Variants in NDUFS4 observed in about 807,000 individuals in gnomAD.
NDUFS4 encodes NADH dehydrogenase [ubiquinone] iron-sulfur protein 4, mitochondrial.
Under a neutral mutation model 24.3 loss-of-function variants are expected in NDUFS4, and 28 were observed. That is an observed-to-expected ratio of 1.15 (90% CI 0.85 to 1.58). The LOEUF (loss-of-function observed/expected upper bound fraction) is 1.58, where lower values mean the gene tolerates loss of function less well. Among genes scored for constraint, NDUFS4 ranks in the 40% most tolerant of loss-of-function variants. The probability of loss-of-function intolerance (pLI) is 0.00; values close to 1 mark genes in which losing one functional copy is unlikely to be tolerated. For synonymous variants in NDUFS4, 93 were observed against 69.7 expected, an observed-to-expected ratio of 1.34 and a Z score of -1.67; for missense variants, 223 against 207.9, an observed-to-expected ratio of 1.07 and a Z score of -0.45.
intron 2 of NDUFS4, among the ~76,000 whole-genome samples, chr5:53,627,052 C>G: frequency 6.6e-6 from 1 of 152,002 alleles, no homozygotes; most frequent in Non-Finnish European, 1.5e-5. Context: ...CTTGAGTTAA[C>G]TTTTGTATAA....
chr5:53,682,263 A>G (rs1740691590), intron 4 of NDUFS4, among the ~76,000 whole-genome samples: 1 of 152,168 alleles, frequency 6.6e-6, no homozygotes, highest in Non-Finnish European at 1.5e-5. Context: ...AGTGCAGAAA[A>G]TGTAGACATA....
intron 3 of NDUFS4, among the ~76,000 whole-genome samples, chr5:53,656,036 A>G (rs1410912788): frequency 6.6e-6 from 1 of 152,042 alleles, no homozygotes; most frequent in Non-Finnish European, 1.5e-5. Flanking sequence ...CTGCTCTGGC[A>G]ATCCTGGACT....
chr5:53,580,300 C>CT (rs1749518176), intron 1 of NDUFS4, among the ~76,000 whole-genome samples: 1 of 152,166 alleles, frequency 6.6e-6, no homozygotes, highest in African/African-American at 2.4e-5. Context: ...AGTTAATACT[C>CT]TTATTTTTCT....
chr5:53,619,305 TTAAAAA>T (rs1750954260), intron 2 of NDUFS4, among the ~76,000 whole-genome samples: 1 of 130,590 alleles, frequency 7.7e-6, no homozygotes, highest in Non-Finnish European at 1.7e-5. Flanking sequence ...TGCTAAAAAT[TTAAAAA>T]AAAAAAAAAA....
At chr5:53,665,227 A>T (rs938429019) in intron 4 of NDUFS4, among the ~76,000 whole-genome samples, 1 of 152,180 alleles carries the variant, frequency 6.6e-6, no homozygotes, top group African/African-American at 2.4e-5. Context: ...GTGAGGTGTC[A>T]GTCTGACCCT....
intron 1 of NDUFS4, among the ~76,000 whole-genome samples, chr5:53,579,382 A>G (rs1398888342): frequency 6.6e-6 from 1 of 152,168 alleles, no homozygotes. Flanking sequence ...ACACTAGACA[A>G]TTACCAGTAC....
At chr5:53,586,990 A>AT (rs577872819) in intron 1 of NDUFS4, among the ~76,000 whole-genome samples, 2 of 150,692 alleles carry the variant, frequency 1.3e-5, no homozygotes, top group African/African-American at 2.4e-5. Context: ...TGCCTGGCTA[A>AT]TTTTTTTTGT....
At chr5:53,658,205 A>G (rs1752219394) in intron 3 of NDUFS4, among the ~76,000 whole-genome samples, 1 of 152,210 alleles carries the variant, frequency 6.6e-6, no homozygotes, top group South Asian at 2.1e-4. Flanking sequence ...TAGCAATTTT[A>G]CACATCAGTA....
At chr5:53,567,076 C>T (rs538998732) in intron 1 of NDUFS4, among the ~76,000 whole-genome samples, 211 of 152,204 alleles carry the variant, frequency 1.4e-3, no homozygotes, top group Admixed American at 1.4e-3. Flanking sequence ...GTCTCAAACT[C>T]CTGACCTCGT....
At chr5:53,650,474 A>G (rs969857953) in intron 3 of NDUFS4, among the ~76,000 whole-genome samples, 2 of 152,228 alleles carry the variant, frequency 1.3e-5, no homozygotes, top group African/African-American at 4.8e-5. Context: ...TGAAGAGTGG[A>G]CAGTCATACA....
At chr5:53,612,828 A>C (rs1750738666) in intron 2 of NDUFS4, among the ~76,000 whole-genome samples, 2 of 152,250 alleles carry the variant, frequency 1.3e-5, no homozygotes, top group South Asian at 4.1e-4. Flanking sequence ...AATTTGTAAT[A>C]GTTAAAAACA....
chr5:53,626,124 A>G (rs1404089330), intron 2 of NDUFS4, among the ~76,000 whole-genome samples: 1 of 152,056 alleles, frequency 6.6e-6, no homozygotes, highest in Non-Finnish European at 1.5e-5. Context: ...CTTATGAGTG[A>G]GAACATGCGG....
chr5:53,570,679 T>G (rs1157303354), intron 1 of NDUFS4, among the ~76,000 whole-genome samples: 1 of 132,974 alleles, frequency 7.5e-6, no homozygotes, highest in African/African-American at 2.9e-5. Context: ...ATTGTATTTT[T>G]TTTTCTTTTT....
chr5:53,675,383 C>T (rs1047218821), intron 4 of NDUFS4, among the ~76,000 whole-genome samples: 24 of 151,900 alleles, frequency 1.6e-4, no homozygotes, highest in Non-Finnish European at 3.4e-4. Context: ...AGGATGTTCT[C>T]GATTTCCTGA....
intron 1 of NDUFS4, among the ~76,000 whole-genome samples, chr5:53,596,396 G>C (rs1002318642): frequency 6.6e-6 from 1 of 152,176 alleles, no homozygotes; most frequent in African/African-American, 2.4e-5. Context: ...TTGTGCCACT[G>C]TACTCCAGCG....
intron 2 of NDUFS4, among the ~76,000 whole-genome samples, chr5:53,636,884 C>T (rs1198934828): frequency 6.6e-6 from 1 of 152,114 alleles, no homozygotes; most frequent in Non-Finnish European, 1.5e-5. Context: ...TCTGGCTTTG[C>T]TGTAAAAAGT....
At chr5:53,636,367 C>G (rs1751551251) in intron 2 of NDUFS4, among the ~76,000 whole-genome samples, 1 of 152,046 alleles carries the variant, frequency 6.6e-6, no homozygotes, top group African/African-American at 2.4e-5. Flanking sequence ...TTAGTAATTC[C>G]AAGTCAAAGA....
chr5:53,580,055 G>A (rs996610705), intron 1 of NDUFS4, among the ~76,000 whole-genome samples: 26 of 152,144 alleles, frequency 1.7e-4, no homozygotes, highest in Non-Finnish European at 1.5e-5. Context: ...TGTAATAAAT[G>A]TGTGTTGTTT....
intron 2 of NDUFS4, among the ~76,000 whole-genome samples, chr5:53,622,309 G>A (rs956372812): frequency 2.6e-5 from 4 of 152,056 alleles, no homozygotes; most frequent in Non-Finnish European, 4.4e-5. Context: ...CCATAGACTG[G>A]GTGGTTCAAA....
Sources: allele counts gnomAD v4.1 joint callset (sites outside exome capture counted in the v4.1 genomes callset), GRCh38; gene constraint gnomAD v4.1.1; transcripts MANE v1.5; gene names NCBI Gene and HGNC (gene_info 2026-07-23, HGNC 2026-07-21).